Variants in LNX1 observed in about 807,000 individuals in gnomAD.
LNX1 encodes ligand of numb-protein X 1.
Under a neutral mutation model 68.4 loss-of-function variants are expected in LNX1, and 54 were observed. The ratio of observed to expected loss-of-function variants is 0.79; its 90% CI spans 0.63 to 0.99. The LOEUF is 0.99. Among genes scored for constraint, LNX1 ranks in the 50% least tolerant of loss-of-function variants. LNX1 has a pLI of 0.00. For missense variants in LNX1, 906 were observed against 926.4 expected, an observed-to-expected ratio of 0.98 and a Z score of 0.29; for synonymous variants, 336 against 350.0, an observed-to-expected ratio of 0.96 and a Z score of 0.45.
chr4:53,460,821 A>C lies in LNX1; in HGVS notation c.*86T>G. The C allele has an allele frequency of 7.9e-7, 1 of 1,271,382 alleles. No individual in the cohort carries two copies. The highest frequency in any genetic ancestry group is 1.1e-6 in the Non-Finnish European group (1 of 912,334). The allele number at this position is 1,271,382 out of a possible 1,614,324, so 78.8% of individuals were successfully genotyped here. ...TTTTTACAATGTATTCTTTCTTTAA[A>C]TATAAAAACTGACAAGATAAATATA... On this transcript the variant is annotated 3_prime_UTR_variant, in exon 11 of 11. Coordinates refer to ENST00000263925, the MANE Select transcript of LNX1 (RefSeq NM_001126328.3).
At chr4:53,548,762 A>G (rs1244324131) in intron 2 of LNX1, among the ~76,000 whole-genome samples, 1 of 152,218 alleles carries the variant, frequency 6.6e-6, no homozygotes, top group Non-Finnish European at 1.5e-5. Context: ...TAGCAAAGAT[A>G]TGGAATCAAA....
intron 4 of LNX1, chr4:53,501,713 G>C (rs1173167042): frequency 6.6e-6 from 1 of 152,192 alleles, no homozygotes; most frequent in Non-Finnish European, 1.5e-5. Flanking sequence ...AACCATGCCA[G>C]GAAGCTAACT....
In LNX1 at chr4:53,564,875, G is replaced by A. The variant is rs186929874; in HGVS notation, c.380+8748C>T. ...GAGTTAGTTCCCTTTCCTAATCAAA[G>A]AAAGGGGTGACAGACAGCACCGGGA... is the stretch of plus-strand genomic sequence containing the variant. On this transcript the variant is annotated intron_variant, in intron 2 of 10. Coordinates refer to ENST00000263925, the MANE Select transcript of LNX1 (RefSeq NM_001126328.3). 1.2e-4 allele frequency among the ~76,000 whole-genome samples: 19 copies of A among 152,328 alleles called. No homozygotes were observed. In the East Asian group the frequency reaches 3.5e-3, roughly 28 times the overall value.
chr4:53,648,918 G>C (rs1469555215), intron 1 of LNX1, among the ~76,000 whole-genome samples: 3 of 152,178 alleles, frequency 2.0e-5, no homozygotes, highest in Admixed American at 1.3e-4. Flanking sequence ...CACTGAGTGT[G>C]TATAATGGCC....
At chr4:53,562,651 G>A (rs192896620) in intron 2 of LNX1, among the ~76,000 whole-genome samples, 1 of 152,282 alleles carries the variant, frequency 6.6e-6, no homozygotes, top group Admixed American at 6.5e-5. Flanking sequence ...CTCCTGTTGG[G>A]CAACAGGTGC....
At chr4:53,490,837 C>T (rs761995213) in intron 6 of LNX1, among the ~76,000 whole-genome samples, 1 of 152,194 alleles carries the variant, frequency 6.6e-6, no homozygotes, top group Admixed American at 6.5e-5. Context: ...ATCCACTCTT[C>T]AGAAACGGCA....
Position 53,459,455 on chromosome 4 carries a change from G to C in LNX1, c.*1452C>G, listed in dbSNP as rs1306771666. 1 of 1,613,318 alleles carries C rather than the reference G, an allele frequency of 6.2e-7. No homozygotes were observed. ...AAGCTACACCTGCAGAATAGGCATGGTTTTGGCCTTTTGTGTATATTAGTA... is the reference window on the plus strand; with the variant it reads ...AAGCTACACCTGCAGAATAGGCATGCTTTTGGCCTTTTGTGTATATTAGTA... On this transcript the variant is annotated 3_prime_UTR_variant, in exon 11 of 11. Coordinates refer to ENST00000263925, the MANE Select transcript of LNX1 (RefSeq NM_001126328.3).
intron 6 of LNX1, among the ~76,000 whole-genome samples, chr4:53,492,453 T>C (rs1477827885): frequency 1.4e-5 from 2 of 147,594 alleles, no homozygotes; most frequent in African/African-American, 5.0e-5. Flanking sequence ...TTGCAGGCCA[T>C]AGTAACGATC....
At position 53,460,874 on chromosome 4, in the gene LNX1, A is replaced by G. The variant is rs1490779147; in HGVS notation, c.*33T>C. ...GTTTCAACTTCTTAGCCTATTTGTG[A>G]TTTTTCTGTTTTCCTCTGACCCATC... On this transcript the variant is annotated 3_prime_UTR_variant, in exon 11 of 11. Transcript: ENST00000263925. 6.3e-7 allele frequency: 1 copy of G among 1,578,634 alleles called. No individual in the cohort carries two copies. The highest frequency in any genetic ancestry group is 8.6e-7 in the Non-Finnish European group (1 of 1,161,036).
rs757156927 is a variant in LNX1 at position 53,508,082 on chromosome 4, C to T, written c.526G>A (p.Glu176Lys). 12 of 1,614,140 alleles carry T rather than the reference C, an allele frequency of 7.4e-6. No homozygotes were observed. The highest frequency in any genetic ancestry group is 6.7e-5 in the Admixed American group (4 of 60,028). ...AAATISLMTD[E>K]PGLDNPAYVS... ...TAGGCAGGGTTGTCTAGGCCAGGCTCGTCTGTCATTAAGGAGATGGTGGCA... is the reference window on the plus strand; with the variant it reads ...TAGGCAGGGTTGTCTAGGCCAGGCTTGTCTGTCATTAAGGAGATGGTGGCA... Residue 176 changes from glutamate (E) to lysine (K), a missense_variant, in exon 3 of 11, where the codon GAG (glutamate) becomes AAG (lysine). Transcript: ENST00000263925.
In LNX1 at chr4:53,590,357, G is replaced by A. The variant is rs538310798; in HGVS notation, c.-87+1031C>T. Reference sequence around the variant, plus strand: ...CAAACATCTGCTAACTTAAATCTCAGAAAAACAGCTGATGTTGGAATCTAG... The same window carrying A: ...CAAACATCTGCTAACTTAAATCTCAAAAAAACAGCTGATGTTGGAATCTAG... On this transcript the variant is annotated intron_variant, in intron 1 of 10. Transcript: ENST00000263925. Among the ~76,000 whole-genome samples the A allele has an allele frequency of 3.3e-5, 5 of 152,314 alleles. No individual in the cohort carries two copies. In the South Asian group the frequency reaches 1.0e-3, roughly 32 times the overall value.
intron 2 of LNX1, among the ~76,000 whole-genome samples, chr4:53,565,306 T>C (rs1233266859): frequency 2.0e-5 from 3 of 152,148 alleles, no homozygotes; most frequent in African/African-American, 7.2e-5. Context: ...GATCTGAGAA[T>C]GGGCAGACTC....
At chr4:53,615,208 G>A (rs920188375) in intron 2 of LNX1, among the ~76,000 whole-genome samples, 3 of 152,178 alleles carry the variant, frequency 2.0e-5, no homozygotes, top group Non-Finnish European at 2.9e-5. Flanking sequence ...GCAAGAAGTC[G>A]TTGTTGTAAG....
intron 2 of LNX1, among the ~76,000 whole-genome samples, chr4:53,508,759 A>T (rs1726108935): frequency 6.6e-6 from 1 of 152,334 alleles, no homozygotes; most frequent in East Asian, 1.9e-4. Flanking sequence ...CTCTAGTGGC[A>T]GCTTGGTGGC....
intron 9 of LNX1, among the ~76,000 whole-genome samples, chr4:53,472,709 ATG>A (rs1723309916): frequency 6.7e-6 from 1 of 148,284 alleles, no homozygotes; most frequent in African/African-American, 2.5e-5. Flanking sequence ...ACAAAAAACA[ATG>A]GGGAAGTAAA....
At position 53,461,671 on chromosome 4, in the gene LNX1, A is replaced by G. The variant is rs993950215; in HGVS notation, c.1893-78T>C. 15 of 1,158,012 alleles carry G rather than the reference A, an allele frequency of 1.3e-5. No homozygotes were observed. The African/African-American group carries it at 1.9e-4, about 14-fold the overall frequency. 71.7% of individuals were successfully genotyped at this position (1,158,012 alleles called of 1,614,324 possible). On this transcript the variant is annotated intron_variant, in intron 9 of 10. Coordinates refer to ENST00000263925, the MANE Select transcript of LNX1 (RefSeq NM_001126328.3). ...GAATACTTACTGTGACTCATCCTCCATTCCTTTTGTTGGCATTTTTAATGG... is the reference window on the plus strand; with the variant it reads ...GAATACTTACTGTGACTCATCCTCCGTTCCTTTTGTTGGCATTTTTAATGG...
intron 2 of LNX1, among the ~76,000 whole-genome samples, chr4:53,600,668 C>A (rs1405891401): frequency 6.6e-6 from 1 of 151,922 alleles, no homozygotes; most frequent in Non-Finnish European, 1.5e-5. Flanking sequence ...GTGAAGACAC[C>A]CCTTTTTAAC....
At chr4:53,609,737 CTAT>C (rs1310818397) in intron 2 of LNX1, among the ~76,000 whole-genome samples, 1 of 136,606 alleles carries the variant, frequency 7.3e-6, no homozygotes, top group Non-Finnish European at 1.6e-5. Context: ...ATATAATATA[CTAT>C]TATATATTAT....
chr4:53,465,275 G>A (rs1722589961), intron 9 of LNX1, among the ~76,000 whole-genome samples: 1 of 152,134 alleles, frequency 6.6e-6, no homozygotes, highest in Admixed American at 6.6e-5. Flanking sequence ...TGGATCTATG[G>A]TTCAAACATT....
Sources: gnomAD v4.1 joint callset for allele counts (sites outside exome capture counted in the v4.1 genomes callset) on GRCh38, gnomAD v4.1.1 for gene constraint, MANE v1.5 for transcripts, NCBI Gene and HGNC (gene_info 2026-07-23, HGNC 2026-07-21) for gene names.